TBC1D19: variants seen among roughly 807,000 people sequenced by gnomAD.
TBC1D19 encodes TBC1 domain family member 19.
A neutral mutation model predicts 89.0 loss-of-function variants in TBC1D19; 60 were observed. The ratio of observed to expected loss-of-function variants is 0.67; its 90% CI spans 0.55 to 0.84. TBC1D19 has a LOEUF of 0.84. Ranked by LOEUF, TBC1D19 falls within the 40% of genes least tolerant of loss-of-function variation. The probability of loss-of-function intolerance (pLI) is 0.00; values close to 1 mark genes in which losing one functional copy is unlikely to be tolerated. For synonymous variants in TBC1D19, 189 were observed against 199.7 expected (o/e 0.95, Z 0.45); for missense variants, 500 against 610.8 (o/e 0.82, Z 1.91).
chr4:26,606,197 G>A (rs1370713867), intron 1 of TBC1D19, among the ~76,000 whole-genome samples: 2 of 152,150 alleles, frequency 1.3e-5, no homozygotes, highest in African/African-American at 4.8e-5. Flanking sequence ...CGACTGAAAA[G>A]TTTGAATATC....
intron 7 of TBC1D19, among the ~76,000 whole-genome samples, chr4:26,651,943 A>G (rs1478708341): frequency 6.6e-6 from 1 of 152,058 alleles, no homozygotes; most frequent in Non-Finnish European, 1.5e-5. Context: ...ATTTTGTCCA[A>G]CGCCTTTTCT....
the TBC1D19 span, among the ~76,000 whole-genome samples, chr4:26,826,765 C>T: frequency 6.6e-5 from 10 of 152,324 alleles, no homozygotes; most frequent in Admixed American, 1.3e-4. Flanking sequence ...ATGAGGGTTA[C>T]TGCCCCGGTG....
intron 15 of TBC1D19, among the ~76,000 whole-genome samples, chr4:26,731,700 C>T (rs935888108): frequency 6.6e-6 from 1 of 152,102 alleles, no homozygotes; most frequent in African/African-American, 2.4e-5. Flanking sequence ...AACAAACACT[C>T]ACAAAAAACT....
At chr4:26,688,469 T>G in intron 13 of TBC1D19, 62 bp downstream of exon 13, 1 of 1,405,318 alleles carries the variant, frequency 7.1e-7, no homozygotes, top group Non-Finnish European at 9.3e-7. Context: ...CATGATACTT[T>G]AGGAGATATC....
chr4:26,828,494 C>T, the TBC1D19 span, among the ~76,000 whole-genome samples: 1 of 152,190 alleles, frequency 6.6e-6, no homozygotes, highest in South Asian at 2.1e-4. Context: ...TTTGGACTAG[C>T]CTGTGCTTGA....
At chr4:26,824,115 T>A in the TBC1D19 span, among the ~76,000 whole-genome samples, 26 of 152,248 alleles carry the variant, frequency 1.7e-4, no homozygotes, top group Non-Finnish European at 3.2e-4. Flanking sequence ...GACAATTGGC[T>A]GGATTTGCTG....
chr4:26,827,343 G>A, the TBC1D19 span, among the ~76,000 whole-genome samples: 2 of 152,178 alleles, frequency 1.3e-5, no homozygotes, highest in African/African-American at 2.4e-5. Flanking sequence ...AGTGACTCAC[G>A]CCTGCAATCC....
rs2109925971 is a variant in TBC1D19 at position 26,584,221 on chromosome 4, C to T, written c.28C>T (p.Leu10Phe). The change falls in exon 1 of 21, where the codon CTC becomes TTC. Residue 10 changes from leucine (L) to phenylalanine (F), a missense_variant. This residue lies in a region of TBC1D19 where 280 missense variants were observed against 291.7 expected (regional missense o/e 0.96). Coordinates refer to ENST00000264866, the MANE Select transcript of TBC1D19 (RefSeq NM_018317.4). MLQEESDLS[L>F]IIAQIVQKLK... ...GTTGCAGGAGGAGTCGGACCTCTCT[C>T]TCATTATTGCCCAGATAGTCCAAAA... 5.6e-6 allele frequency: 9 copies of T among 1,612,638 alleles called. No homozygotes were observed. The highest frequency in any genetic ancestry group is 1.7e-5 in the Admixed American group (1 of 59,774).
rs767572031 is a variant in TBC1D19 at position 26,739,917 on chromosome 4, C to T, written c.1171C>T (p.Arg391Cys). The T allele has an allele frequency of 8.8e-6, 14 of 1,597,244 alleles. No individual in the cohort carries two copies. Among genetic ancestry groups the T allele is most frequent in the South Asian group, 1.1e-5 (1 of 88,166 alleles). Residue 391 changes from arginine to cysteine, a missense_variant, in exon 17 of 21, where the codon CGT becomes TGT. By Grantham distance (180) the Arg-to-Cys change is radical. Around this residue, in one of 2 missense-constraint regions of TBC1D19, gnomAD observed 220 missense variants for 319.1 expected, o/e 0.69. Coordinates refer to ENST00000264866, the MANE Select transcript of TBC1D19 (RefSeq NM_018317.4). ...HEPSKLYQIF[R>C]EMYVRFFFRL... ...ACCTTCCAAATTGTATCAGATATTCCGTGAGATGTATGTGCGTTTTTTCTT... is the reference window on the plus strand; with the variant it reads ...ACCTTCCAAATTGTATCAGATATTCTGTGAGATGTATGTGCGTTTTTTCTT...
chr4:26,666,400 C>T lies in TBC1D19; in HGVS notation c.659C>T (p.Pro220Leu). The T allele has an allele frequency of 6.2e-7, 1 of 1,607,788 alleles. No individual in the cohort carries two copies. Among genetic ancestry groups the T allele is most frequent in the South Asian group, 1.1e-5 (1 of 90,104 alleles). ...GGTATAGATGATTCTACACAAGTGC[C>T]TCCTGGTTAGTATTTTTCCAACGGC... ...QLGIDDSTQV[P>L]PELFENEHVR... The change falls in exon 9 of 21, where the codon CCT (proline) becomes CTT (leucine). Residue 220 changes from proline to leucine, a missense_variant. This residue lies in a region of TBC1D19 where 280 missense variants were observed against 291.7 expected (regional missense o/e 0.96). Coordinates refer to ENST00000264866, the MANE Select transcript of TBC1D19 (RefSeq NM_018317.4).
the TBC1D19 span, among the ~76,000 whole-genome samples, chr4:26,824,658 G>C: frequency 6.6e-6 from 1 of 150,912 alleles, no homozygotes; most frequent in Non-Finnish European, 1.5e-5. Flanking sequence ...CTTTTTAACA[G>C]TGGGGTCATT....
the TBC1D19 span, among the ~76,000 whole-genome samples, chr4:26,776,957 C>T: frequency 6.6e-6 from 1 of 152,048 alleles, no homozygotes; most frequent in African/African-American, 2.4e-5. Context: ...TCATCGTGTG[C>T]TCTTTCAATA....
At chr4:26,627,442 C>A (rs1315288808) in intron 4 of TBC1D19, among the ~76,000 whole-genome samples, 2 of 152,098 alleles carry the variant, frequency 1.3e-5, no homozygotes, top group East Asian at 3.8e-4. Context: ...ATTTCTAGTT[C>A]TAGAACCCTG....
At chr4:26,722,440 A>T (rs1032505219) in intron 15 of TBC1D19, among the ~76,000 whole-genome samples, 6 of 152,172 alleles carry the variant, frequency 3.9e-5, no homozygotes, top group African/African-American at 1.4e-4. Flanking sequence ...GCCTCCTACA[A>T]AAATAGAAGC....
intron 1 of TBC1D19, among the ~76,000 whole-genome samples, chr4:26,589,403 C>G (rs1030374164): frequency 1.3e-5 from 2 of 152,224 alleles, no homozygotes; most frequent in South Asian, 2.1e-4. Context: ...TGACTTTCTT[C>G]TGTCTCCTTG....
chr4:26,613,287 T>TC, intron 2 of TBC1D19, 46 bp downstream of exon 2: 1 of 1,216,440 alleles, frequency 8.2e-7, no homozygotes, highest in Non-Finnish European at 1.2e-6. Flanking sequence ...AAGAAAATGT[T>TC]TTATTTATTC....
chr4:26,708,044 A>G (rs2109233151), intron 13 of TBC1D19, among the ~76,000 whole-genome samples: 1 of 152,222 alleles, frequency 6.6e-6, no homozygotes, highest in Admixed American at 6.5e-5. Context: ...CTTTGTTACA[A>G]TAGTATTATT....
At chr4:26,839,962 T>G in the TBC1D19 span, among the ~76,000 whole-genome samples, 2 of 152,188 alleles carry the variant, frequency 1.3e-5, no homozygotes, top group Non-Finnish European at 2.9e-5. Flanking sequence ...CTCTGGTTGA[T>G]TTTGGTCATG....
chr4:26,823,141 C>T, the TBC1D19 span, among the ~76,000 whole-genome samples: 2 of 152,340 alleles, frequency 1.3e-5, no homozygotes, highest in South Asian at 4.1e-4. Context: ...AGGAGCAAGT[C>T]ACATCTTACA....
Sources: gnomAD v4.1 joint callset for allele counts (sites outside exome capture counted in the v4.1 genomes callset) on GRCh38, gnomAD v4.1.1 for gene constraint, gnomAD v4.1.1 regional missense constraint, MANE v1.5 for transcripts, NCBI Gene and HGNC (gene_info 2026-07-23, HGNC 2026-07-21) for gene names.